The following SLC13A4 variants were observed in gnomAD, a reference collection of about 807,000 sequenced individuals.
SLC13A4 encodes the protein Na(+)/sulfate cotransporter SUT-1.
In SLC13A4, 28 loss-of-function variants were observed where a neutral mutation model predicts 72.7. The ratio of observed to expected loss-of-function variants is 0.39; its 90% CI spans 0.29 to 0.53. The LOEUF (loss-of-function observed/expected upper bound fraction) is 0.53. SLC13A4 is among the 20% of genes least tolerant of loss of function. The probability of loss-of-function intolerance (pLI) is 0.78; values close to 1 mark genes in which losing one functional copy is unlikely to be tolerated. For missense variants in SLC13A4, 653 were observed against 788.0 expected (o/e 0.83, Z 2.05); for synonymous variants, 312 against 325.5 (o/e 0.96, Z 0.45).
At chr7:135,695,291 C>A in intron 9 of SLC13A4, 77 bp downstream of exon 9, 1 of 1,584,456 alleles carries the variant, frequency 6.3e-7, no homozygotes. Flanking sequence ...TTGCACAGAG[C>A]CATCCAGGGC....
intron 1 of SLC13A4, among the ~76,000 whole-genome samples, chr7:135,723,187 C>T (rs529930384): frequency 2.0e-4 from 30 of 152,242 alleles, no homozygotes; most frequent in Admixed American, 1.4e-3. Context: ...CCATTCTATC[C>T]GCTTGACACC....
chr7:135,693,151 C>G (rs945838863), intron 10 of SLC13A4: 1 of 145,044 alleles, frequency 6.9e-6, no homozygotes, highest in Non-Finnish European at 1.5e-5. Context: ...ATCATCTAAC[C>G]AGAAATGCAT....
Position 135,708,192 on chromosome 7 carries a change from G to A in SLC13A4, c.287C>T (p.Ala96Val), listed in dbSNP as rs1404995282. The change falls in exon 3 of 16, where the codon GCG becomes GTG. Residue 96 changes from alanine to valine, a missense_variant. Ala to Val is a moderately conservative substitution (Grantham distance 64). Transcript: ENST00000682651. The part of the protein sequence containing the change: ...TLLLVGVICV[A>V]AAVEKWNLHK... Reference sequence around the variant, plus strand: ...CAGGTTCCACTTCTCCACGGCAGCCGCCACGCAGATGACCCCCACCAGCAG... The same window carrying A: ...CAGGTTCCACTTCTCCACGGCAGCCACCACGCAGATGACCCCCACCAGCAG... 4 of 1,614,190 alleles carry A rather than the reference G, an allele frequency of 2.5e-6. No homozygotes were observed. The highest frequency in any genetic ancestry group is 3.4e-6 in the Non-Finnish European group (4 of 1,180,032).
chr7:135,727,989 CA>C lies in SLC13A4; in HGVS notation c.-494del, dbSNP rs1336018846. On this transcript the variant is annotated 5_prime_UTR_variant, in exon 1 of 16. Coordinates refer to ENST00000682651, the MANE Select transcript of SLC13A4 (RefSeq NM_001318192.2). The stretch of plus-strand genomic sequence containing the variant: ...TTTGGGGAGTACCTGTTTCATCTCC[CA>C]CCTGGGCTCGCTGTTGGTAAGACTC... 4 of 152,616 alleles carry C rather than the reference CA, an allele frequency of 2.6e-5. No homozygotes were observed. Among genetic ancestry groups the C allele is most frequent in the African/African-American group, 9.6e-5 (4 of 41,470 alleles). The allele number at this position is 152,616 out of a possible 1,614,324, so 9.5% of individuals were successfully genotyped here. A position where few individuals can be genotyped will look rare whatever the true frequency, so the allele number is the denominator to read the frequency against.
chr7:135,688,464 C>A (rs565982841), intron 13 of SLC13A4, among the ~76,000 whole-genome samples: 1 of 152,256 alleles, frequency 6.6e-6, no homozygotes, highest in South Asian at 2.1e-4. Flanking sequence ...ACCATGTTGG[C>A]CAGGCTAGCC....
At position 135,692,377 on chromosome 7, in the gene SLC13A4, A is replaced by G; in HGVS notation, c.1169T>C (p.Leu390Pro). The G allele has an allele frequency of 6.2e-7, 1 of 1,614,036 alleles. No individual in the cohort carries two copies. Among genetic ancestry groups the G allele is most frequent in the Non-Finnish European group, 8.5e-7 (1 of 1,179,970 alleles). The stretch of plus-strand genomic sequence containing the variant: ...AAAGCCAGGCTCCCGGGTAAACCAC[A>G]GTACGGTCATCAGGATGAAGAAAAA... ...TGFFFILMTV[L>P]WFTREPGFVP... The change falls in exon 11 of 16, where the codon CTG (leucine) becomes CCG (proline). Residue 390 changes from leucine (L) to proline (P), a missense_variant. Coordinates refer to ENST00000682651, the MANE Select transcript of SLC13A4 (RefSeq NM_001318192.2).
rs536573842 is a variant in SLC13A4 at position 135,727,603 on chromosome 7, G to C, written c.-107C>G. 2 of 1,342,840 alleles carry C rather than the reference G, an allele frequency of 1.5e-6. No homozygotes were observed. Among genetic ancestry groups the C allele is most frequent in the South Asian group, 1.6e-5 (1 of 64,454 alleles). The allele number at this position is 1,342,840 out of a possible 1,614,324, so 83.2% of individuals were successfully genotyped here. A position where few individuals can be genotyped will look rare whatever the true frequency, so the allele number is the denominator to read the frequency against. On this transcript the variant is annotated 5_prime_UTR_variant, in exon 1 of 16. Coordinates refer to ENST00000682651, the MANE Select transcript of SLC13A4 (RefSeq NM_001318192.2). The stretch of plus-strand genomic sequence containing the variant: ...AGAAAGACTTCTTAAACCTTTCTTG[G>C]CTTCCGAGAGTCCTCCTTCGTCTTG...
In SLC13A4 at chr7:135,681,524, T is replaced by C; in HGVS notation, c.*39A>G. ...CTGTGGTCCAGATACTGCTGGATAC[T>C]GGCAGCTCCTGTGGTTGGGCCAGTT... On this transcript the variant is annotated 3_prime_UTR_variant, in exon 16 of 16. Coordinates refer to ENST00000682651, the MANE Select transcript of SLC13A4 (RefSeq NM_001318192.2). 6.3e-7 allele frequency: 1 copy of C among 1,599,378 alleles called. No individual in the cohort carries two copies. The highest frequency in any genetic ancestry group is 8.5e-7 in the Non-Finnish European group (1 of 1,171,242).
chr7:135,691,558 T>C lies in SLC13A4; in HGVS notation c.1311A>G (p.Lys437=). The C allele has an allele frequency of 6.2e-7, 1 of 1,612,620 alleles. No individual in the cohort carries two copies. The highest frequency in any genetic ancestry group is 1.1e-5 in the South Asian group (1 of 91,050). ...LIPAKKPCFG[K]KNDGENQEHS... is the part of the protein sequence containing the mutation. The stretch of plus-strand genomic sequence containing the variant: ...CTTCCCTTCTCTCACCATCATTCTT[T>C]TTCCCAAAGCAGGGCTTCTTCGCTG... Residue 437 remains lysine (K), a synonymous_variant, in exon 12 of 16, where the codon AAA becomes AAG. Transcript: ENST00000682651.
At position 135,715,223 on chromosome 7, in the gene SLC13A4, ATG is replaced by A. The variant is rs1467483540; in HGVS notation, c.228+6170_228+6171del. On this transcript the variant is annotated intron_variant, in intron 2 of 15. Coordinates refer to ENST00000682651, the MANE Select transcript of SLC13A4 (RefSeq NM_001318192.2). The stretch of plus-strand genomic sequence containing the variant: ...AGTGTATGTGTGCATGAGTGTGTAT[ATG>A]TGAGTGTATGTGTGTATGTGTATGT... Among the ~76,000 whole-genome samples, 5 of 138,094 alleles carry A rather than the reference ATG, an allele frequency of 3.6e-5. No individual in the cohort carries two copies. The East Asian group carries it at 6.4e-4, about 18-fold the overall frequency. 90.6% of individuals were successfully genotyped at this position (138,094 alleles called of 152,430 possible).
At chr7:135,724,224 A>C (rs1340691072) in intron 1 of SLC13A4, among the ~76,000 whole-genome samples, 1 of 152,142 alleles carries the variant, frequency 6.6e-6, no homozygotes, top group African/African-American at 2.4e-5. Context: ...AAGGAGAAAG[A>C]GGAAAAGAGC....
At chr7:135,684,089 G>A in intron 15 of SLC13A4, 35 bp downstream of exon 15, 1 of 1,565,932 alleles carries the variant, frequency 6.4e-7, no homozygotes, top group Non-Finnish European at 8.7e-7. Flanking sequence ...CCTCATGGCA[G>A]CTGGGCCTGG....
intron 2 of SLC13A4, among the ~76,000 whole-genome samples, chr7:135,709,150 C>T (rs1796240138): frequency 6.6e-6 from 1 of 151,778 alleles, no homozygotes; most frequent in Non-Finnish European, 1.5e-5. Context: ...CCAGGATGGT[C>T]TCAATCTCCT....
chr7:135,699,443 A>T lies in SLC13A4; in HGVS notation c.820T>A (p.Ser274Thr), dbSNP rs1331123964. 2 of 1,613,522 alleles carry T rather than the reference A, an allele frequency of 1.2e-6. No individual in the cohort carries two copies. Among genetic ancestry groups the T allele is most frequent in the Non-Finnish European group, 1.7e-6 (2 of 1,179,778 alleles). ...AGGCCGCCAATGGTAGCGGAGTAGG[A>T]TATGCTCAGGGAGAGGCACTTGCAG... The part of the protein sequence containing the change: ...MICKCLSLSI[S>T]YSATIGGLTT... The change falls in exon 8 of 16, where the codon TCC becomes ACC. Residue 274 changes from serine to threonine, a missense_variant. Physicochemically the swap from Ser to Thr is moderately conservative, Grantham distance 58. Transcript: ENST00000682651.
chr7:135,702,669 C>T, intron 6 of SLC13A4, 176 bp downstream of exon 6: 1 of 629,352 alleles, frequency 1.6e-6, no homozygotes, highest in East Asian at 2.9e-5. Context: ...AGCCACCACG[C>T]CCAGCCAATG....
At chr7:135,707,918 G>T in intron 3 of SLC13A4, 196 bp downstream of exon 3, 1 of 574,354 alleles carries the variant, frequency 1.7e-6, no homozygotes. Context: ...ATGATAGCAA[G>T]GTCACAGGTT....
chr7:135,703,814 G>C (rs62480966), intron 5 of SLC13A4: 5,628 of 152,398 alleles, frequency 0.037, 114 homozygotes, highest in Middle Eastern at 0.095. Context: ...GCTGACAGGC[G>C]TGCAGAGGGA....
At chr7:135,724,316 G>A (rs1038241224) in intron 1 of SLC13A4, among the ~76,000 whole-genome samples, 2 of 152,070 alleles carry the variant, frequency 1.3e-5, no homozygotes, top group Non-Finnish European at 2.9e-5. Context: ...CCAACATGGC[G>A]AAACCCTGTC....
In SLC13A4 at chr7:135,721,446, G is replaced by A. The variant is rs1385368351; in HGVS notation, c.177C>T (p.Ala59=). 2 of 1,614,008 alleles carry A rather than the reference G, an allele frequency of 1.2e-6. No individual in the cohort carries two copies. The highest frequency in any genetic ancestry group is 1.7e-6 in the Non-Finnish European group (2 of 1,179,994). Residue 59 remains alanine (A), a synonymous_variant, in exon 2 of 16, where the codon GCC becomes GCT. Transcript: ENST00000682651. ...ACGGGTAAAGGAAGGCCGGCACCAG[G>A]GCTGCAGCTCCCAGAGGCACTGCCT... ...VSEAVPLGAA[A]LVPAFLYPFF... is the part of the protein sequence containing the mutation.
Sources: allele counts gnomAD v4.1 joint callset (sites outside exome capture counted in the v4.1 genomes callset), GRCh38; gene constraint gnomAD v4.1.1; transcripts MANE v1.5; gene names NCBI Gene and HGNC (gene_info 2026-07-23, HGNC 2026-07-21).